The following STXBP5 variants were observed in gnomAD, a reference collection of about 807,000 sequenced individuals.
STXBP5 encodes the protein syntaxin-binding protein 5.
In STXBP5, 50 loss-of-function variants were observed where a neutral mutation model predicts 152.4. The observed-to-expected ratio is 0.33, with a 90% CI of 0.26 to 0.42. The LOEUF (loss-of-function observed/expected upper bound fraction) is 0.42, where lower values mean the gene tolerates loss of function less well. Among genes scored for constraint, STXBP5 ranks in the 10% least tolerant of loss-of-function variants. The pLI is 1.00. For missense variants in STXBP5, 1,167 were observed against 1,388.6 expected (o/e 0.84, Z 2.54); for synonymous variants, 492 against 494.7 (o/e 0.99, Z 0.07).
chr6:147,370,911 T>TA, intron 25 of STXBP5, among the ~76,000 whole-genome samples: 1 of 152,154 alleles, frequency 6.6e-6, no homozygotes, highest in East Asian at 1.9e-4. Flanking sequence ...TGATGCACTG[T>TA]AAAGGACTTT....
At chr6:147,343,841 A>G (rs1464956934) in intron 21 of STXBP5, among the ~76,000 whole-genome samples, 1 of 152,218 alleles carries the variant, frequency 6.6e-6, no homozygotes, top group East Asian at 1.9e-4. Flanking sequence ...CCAGTATTCA[A>G]CCTGAAACGT....
At chr6:147,351,372 C>G (rs1165760718) in intron 21 of STXBP5, among the ~76,000 whole-genome samples, 1 of 152,138 alleles carries the variant, frequency 6.6e-6, no homozygotes, top group Non-Finnish European at 1.5e-5. Context: ...AAAGAGTTAC[C>G]TTTAGACTGT....
At chr6:147,328,516 A>G (rs1716556185) in intron 18 of STXBP5, among the ~76,000 whole-genome samples, 1 of 152,206 alleles carries the variant, frequency 6.6e-6, no homozygotes, top group South Asian at 2.1e-4. Flanking sequence ...ATTAGGGGAT[A>G]TAGACCTTTC....
Position 147,342,795 on chromosome 6 carries a change from A to T in STXBP5, c.2254+3411A>T, listed in dbSNP as rs1329406266. Among the ~76,000 whole-genome samples, 12 of 152,158 alleles carry T rather than the reference A, an allele frequency of 7.9e-5. No individual in the cohort carries two copies. The South Asian group carries it at 2.1e-3, about 26-fold the overall frequency. On this transcript the variant is annotated intron_variant, in intron 21 of 27. Coordinates refer to ENST00000321680, the MANE Select transcript of STXBP5 (RefSeq NM_001127715.4). ...GGTTAATGTATGAATCAAATTTTTC[A>T]TGATATCCTTATGAATAAAATACAG... is the stretch of plus-strand genomic sequence containing the variant.
intron 21 of STXBP5, among the ~76,000 whole-genome samples, chr6:147,341,363 G>A (rs1388142477): frequency 1.3e-5 from 2 of 152,104 alleles, no homozygotes; most frequent in Non-Finnish European, 2.9e-5. Context: ...TGAAGCTGTG[G>A]TGTCAAAAGT....
intron 16 of STXBP5, among the ~76,000 whole-genome samples, chr6:147,324,533 G>A (rs1348235666): frequency 6.6e-6 from 1 of 151,948 alleles, no homozygotes; most frequent in African/African-American, 2.4e-5. Context: ...GCTTCCCAAA[G>A]TGCTGGGATT....
At chr6:147,316,803 A>G (rs1782668320) in intron 16 of STXBP5, among the ~76,000 whole-genome samples, 1 of 151,792 alleles carries the variant, frequency 6.6e-6, no homozygotes, top group Non-Finnish European at 1.5e-5. Flanking sequence ...TTTTCTAATC[A>G]TTTTCTTTTT....
intron 21 of STXBP5, among the ~76,000 whole-genome samples, chr6:147,347,767 A>T (rs1188091718): frequency 1.3e-5 from 2 of 152,188 alleles, no homozygotes; most frequent in South Asian, 4.1e-4. Flanking sequence ...AATAAAAAAA[A>T]GTTTGAAATA....
chr6:147,346,659 G>A (rs1056195470), intron 21 of STXBP5, among the ~76,000 whole-genome samples: 3 of 151,902 alleles, frequency 2.0e-5, no homozygotes, highest in South Asian at 2.1e-4. Context: ...AGAATTGCTC[G>A]AACCCAGGCG....
At chr6:147,316,459 A>G in intron 16 of STXBP5, 52 bp downstream of exon 16, 1 of 1,379,284 alleles carries the variant, frequency 7.3e-7, no homozygotes, top group Non-Finnish European at 9.5e-7. Context: ...TTTAATTTAT[A>G]TAAATTGTAA....
At chr6:147,375,791 T>C (rs546836478) in intron 26 of STXBP5, among the ~76,000 whole-genome samples, 1 of 152,058 alleles carries the variant, frequency 6.6e-6, no homozygotes, top group South Asian at 2.1e-4. Flanking sequence ...AAATCTTTAA[T>C]GTGGCTAGAG....
chr6:147,206,201 G>T (rs1776548591), intron 2 of STXBP5, 133 bp downstream of exon 2: 2 of 695,732 alleles, frequency 2.9e-6, no homozygotes, highest in Admixed American at 6.0e-5. Context: ...GAAATCATGT[G>T]TTGGCTTTTC....
chr6:147,314,255 T>C lies in STXBP5; in HGVS notation c.1294-9T>C. ...GCAAGTTGCTTTATACAGTCATCTT[T>C]TTTTATAGGAATGGCCCATCAACGG... is the stretch of plus-strand genomic sequence containing the variant. On this transcript the variant is annotated splice_polypyrimidine_tract_variant and intron_variant, in intron 12 of 27. Transcript: ENST00000321680. The C allele has an allele frequency of 6.2e-7, 1 of 1,607,524 alleles. No homozygotes were observed. Among genetic ancestry groups the C allele is most frequent in the Non-Finnish European group, 8.5e-7 (1 of 1,174,042 alleles).
intron 9 of STXBP5, among the ~76,000 whole-genome samples, chr6:147,303,777 TC>T (rs1394733008): frequency 2.0e-5 from 3 of 152,152 alleles, no homozygotes; most frequent in Admixed American, 2.0e-4. Flanking sequence ...GACAGTGAAG[TC>T]CAGGCTGGGG....
At chr6:147,361,430 G>T (rs1222883588) in intron 23 of STXBP5, among the ~76,000 whole-genome samples, 4 of 152,128 alleles carry the variant, frequency 2.6e-5, no homozygotes, top group Non-Finnish European at 4.4e-5. Context: ...TCTTCTCAAT[G>T]ATGGAATCCT....
At chr6:147,370,699 C>T (rs1212261059) in intron 25 of STXBP5, among the ~76,000 whole-genome samples, 1 of 151,902 alleles carries the variant, frequency 6.6e-6, no homozygotes, top group African/African-American at 2.4e-5. Flanking sequence ...TGGTAAGCAC[C>T]TCAGGATTAT....
intron 8 of STXBP5, among the ~76,000 whole-genome samples, chr6:147,289,546 A>C (rs1781169966): frequency 6.6e-6 from 1 of 152,296 alleles, no homozygotes; most frequent in Admixed American, 6.5e-5. Context: ...AAATATTTGC[A>C]ACATACATGA....
At chr6:147,292,317 CTAA>C (rs1781320172) in intron 9 of STXBP5, 1 of 440,852 alleles carries the variant, frequency 2.3e-6, no homozygotes, top group Non-Finnish European at 4.5e-6. Flanking sequence ...TAAATGAACT[CTAA>C]GAGGTGTATC....
intron 16 of STXBP5, among the ~76,000 whole-genome samples, chr6:147,317,848 C>T (rs909020987): frequency 2.0e-5 from 3 of 152,120 alleles, no homozygotes; most frequent in Admixed American, 1.3e-4. Flanking sequence ...GTAAATGTTC[C>T]GTTAATGCCC....
Sources: gnomAD v4.1 joint callset for allele counts (sites outside exome capture counted in the v4.1 genomes callset) on GRCh38, gnomAD v4.1.1 for gene constraint, MANE v1.5 for transcripts, NCBI Gene and HGNC (gene_info 2026-07-23, HGNC 2026-07-21) for gene names.